Variants in PLEKHA7 observed in about 807,000 individuals in gnomAD.
PLEKHA7 encodes pleckstrin homology domain-containing family A member 7.
A neutral mutation model predicts 170.0 loss-of-function variants in PLEKHA7; 104 were observed. The ratio of observed to expected loss-of-function variants is 0.61; its 90% CI spans 0.52 to 0.72. The LOEUF is 0.72. Ranked by LOEUF, PLEKHA7 falls within the 30% of genes least tolerant of loss-of-function variation. PLEKHA7 has a pLI of 0.00. For missense variants in PLEKHA7, 1,615 were observed against 1,671.7 expected (o/e 0.97, Z 0.59); for synonymous variants, 648 against 660.8 (o/e 0.98, Z 0.30).
chr11:16,897,349 C>T (rs1300730326), intron 3 of PLEKHA7, among the ~76,000 whole-genome samples: 1 of 152,146 alleles, frequency 6.6e-6, no homozygotes, highest in East Asian at 1.9e-4. Flanking sequence ...AGAAACCCAT[C>T]ACATTACCCA....
chr11:17,014,213 G>C lies in PLEKHA7; in HGVS notation c.87-12C>G. ...AGCGGAGCTGGTCACTGCGGGCAGAGAGGTGCACCTGTTAGCGCCGCCACA... is the reference window on the plus strand; with the variant it reads ...AGCGGAGCTGGTCACTGCGGGCAGACAGGTGCACCTGTTAGCGCCGCCACA... On this transcript the variant is annotated splice_polypyrimidine_tract_variant and intron_variant, in intron 1 of 26. Transcript: ENST00000531066. The C allele has an allele frequency of 3.9e-6, 6 of 1,548,514 alleles. No individual in the cohort carries two copies. Among genetic ancestry groups the C allele is most frequent in the South Asian group, 1.2e-5 (1 of 83,554 alleles).
chr11:16,972,767 C>G (rs2136732528), intron 3 of PLEKHA7, among the ~76,000 whole-genome samples: 1 of 152,248 alleles, frequency 6.6e-6, no homozygotes, highest in East Asian at 1.9e-4. Context: ...CCAAACACCT[C>G]CAAACATAAA....
intron 25 of PLEKHA7, 95 bp downstream of exon 25, chr11:16,783,605 C>G: frequency 1.6e-6 from 2 of 1,286,928 alleles, no homozygotes; most frequent in Non-Finnish European, 2.0e-6. Context: ...CCTGGCAAAA[C>G]ACGCACCCCA....
In PLEKHA7 at chr11:16,786,270, C is replaced by G; in HGVS notation, c.3475G>C (p.Asp1159His). 6.5e-6 allele frequency: 10 copies of G among 1,536,198 alleles called. No individual in the cohort carries two copies. Among genetic ancestry groups the G allele is most frequent in the Non-Finnish European group, 8.7e-6 (10 of 1,146,926 alleles). Residue 1159 changes from aspartate to histidine, a missense_variant, in exon 24 of 27, where the codon GAC becomes CAC. Physicochemically the swap from Asp to His is moderately conservative, Grantham distance 81. Coordinates refer to ENST00000531066, the MANE Select transcript of PLEKHA7 (RefSeq NM_001329630.2). ...KVQAMPVTEL[D>H]LEPQDYDLDI... ...AAGTCATAGTCTTGAGGCTCCAGGTCCAACTCAGTGACAGGCATGGCCTGC... is the reference window on the plus strand; with the variant it reads ...AAGTCATAGTCTTGAGGCTCCAGGTGCAACTCAGTGACAGGCATGGCCTGC...
chr11:16,897,437 A>C (rs1392068237), intron 3 of PLEKHA7, among the ~76,000 whole-genome samples: 1 of 152,172 alleles, frequency 6.6e-6, no homozygotes, highest in Non-Finnish European at 1.5e-5. Context: ...AGCCAGCAAA[A>C]GAGCCTACTC....
intron 10 of PLEKHA7, among the ~76,000 whole-genome samples, chr11:16,822,142 G>A (rs980475487): frequency 6.6e-6 from 1 of 152,118 alleles, no homozygotes; most frequent in Non-Finnish European, 1.5e-5. Flanking sequence ...AGAATAACAT[G>A]GTTTACAGGC....
intron 3 of PLEKHA7, among the ~76,000 whole-genome samples, chr11:16,947,596 A>C (rs1008497050): frequency 2.9e-5 from 4 of 138,694 alleles, no homozygotes; most frequent in Admixed American, 7.0e-5. Flanking sequence ...ACCTAAAAAA[A>C]AAAAAAAGAA....
At chr11:16,845,865 G>A (rs1306943468) in intron 8 of PLEKHA7, among the ~76,000 whole-genome samples, 1 of 152,152 alleles carries the variant, frequency 6.6e-6, no homozygotes, top group Non-Finnish European at 1.5e-5. Context: ...GGTCTGGAGA[G>A]AACTTGCAGG....
intron 23 of PLEKHA7, chr11:16,787,276 C>T (rs1289708420): frequency 2.1e-6 from 2 of 969,870 alleles, no homozygotes; most frequent in Non-Finnish European, 2.5e-6. Context: ...TATCCCAGGC[C>T]ATCTTCTCTC....
intron 3 of PLEKHA7, among the ~76,000 whole-genome samples, chr11:16,963,705 T>A (rs1862202741): frequency 6.6e-6 from 1 of 152,102 alleles, no homozygotes; most frequent in African/African-American, 2.4e-5. Context: ...GCCACAAGTG[T>A]CCCATTCGAG....
chr11:16,927,211 T>G (rs957880021), intron 3 of PLEKHA7, among the ~76,000 whole-genome samples: 2 of 152,194 alleles, frequency 1.3e-5, no homozygotes, highest in Non-Finnish European at 2.9e-5. Flanking sequence ...AGAGGTTGGA[T>G]TAGGACATTG....
chr11:16,804,560 T>C (rs542331526), intron 13 of PLEKHA7, among the ~76,000 whole-genome samples: 88 of 152,350 alleles, frequency 5.8e-4, no homozygotes, highest in African/African-American at 2.0e-3. Flanking sequence ...GAGTGAGGAC[T>C]GATTCTGGGC....
Position 16,777,863 on chromosome 11 carries a change from C to G in PLEKHA7, c.*1135G>C, listed in dbSNP as rs2134089869. On this transcript the variant is annotated 3_prime_UTR_variant, in exon 27 of 27. Coordinates refer to ENST00000531066, the MANE Select transcript of PLEKHA7 (RefSeq NM_001329630.2). ...AGGCAGCAAAGGTTCCCATCATGGC[C>G]TGGTTAGAGGGAAGGGATTTCTAGG... 6.6e-6 allele frequency: 1 copy of G among 152,362 alleles called. No homozygotes were observed. The highest frequency in any genetic ancestry group is 1.9e-4 in the East Asian group (1 of 5,192). The allele number at this position is 152,362 out of a possible 1,614,324, so 9.4% of individuals were successfully genotyped here.
chr11:16,849,105 A>C (rs1852706797), intron 8 of PLEKHA7, among the ~76,000 whole-genome samples: 1 of 152,218 alleles, frequency 6.6e-6, no homozygotes, highest in Non-Finnish European at 1.5e-5. Context: ...TCGGATCCTG[A>C]GGACCTCAAA....
At chr11:16,813,085 G>A in intron 13 of PLEKHA7, 28 bp downstream of exon 13, 2 of 1,605,488 alleles carry the variant, frequency 1.2e-6, no homozygotes, top group Non-Finnish European at 1.7e-6. Flanking sequence ...GAGTATGCAA[G>A]GAAGGCAGGA....
intron 10 of PLEKHA7, among the ~76,000 whole-genome samples, chr11:16,818,395 A>G (rs992380030): frequency 3.3e-5 from 5 of 152,218 alleles, no homozygotes; most frequent in Non-Finnish European, 5.9e-5. Context: ...TCTTACTCTT[A>G]TAACACTGTT....
rs1396740884 is a variant in PLEKHA7 at position 16,782,802 on chromosome 11, A to G, written c.3745T>C (p.Ser1249Pro). The stretch of plus-strand genomic sequence containing the variant: ...GAGGCCTCGGAGGCCAGGGCGTAGG[A>G]GATGTTGATGATGCGCTCCTGCTCC... ...LQEQERIINI[S>P]YALASEASQR... Residue 1249 changes from serine (S) to proline (P), a missense_variant, in exon 26 of 27, where the codon TCC (serine) becomes CCC (proline). Coordinates refer to ENST00000531066, the MANE Select transcript of PLEKHA7 (RefSeq NM_001329630.2). 6.5e-7 allele frequency: 1 copy of G among 1,536,152 alleles called. No homozygotes were observed. Among genetic ancestry groups the G allele is most frequent in the South Asian group, 1.2e-5 (1 of 84,062 alleles).
chr11:16,796,642 T>C (rs1335369938), intron 17 of PLEKHA7, among the ~76,000 whole-genome samples: 1 of 152,172 alleles, frequency 6.6e-6, no homozygotes, highest in Non-Finnish European at 1.5e-5. Context: ...ACGTATACTT[T>C]AGAAGGGTGA....
At chr11:16,803,425 G>T in intron 13 of PLEKHA7, 130 bp from the exon 14 acceptor site, 3 of 920,572 alleles carry the variant, frequency 3.3e-6, no homozygotes, top group Non-Finnish European at 3.3e-6. Flanking sequence ...AGTATGAGAG[G>T]GACAAAAACT....
Sources: gnomAD v4.1 joint callset for allele counts (sites outside exome capture counted in the v4.1 genomes callset) on GRCh38, gnomAD v4.1.1 for gene constraint, MANE v1.5 for transcripts, NCBI Gene and HGNC (gene_info 2026-07-23, HGNC 2026-07-21) for gene names.